The following PRKN variants were observed in gnomAD, a reference collection of about 807,000 sequenced individuals.
The protein encoded by PRKN is parkin RBR E3 ubiquitin protein ligase.
A neutral mutation model predicts 59.5 loss-of-function variants in PRKN; 56 were observed. The observed-to-expected ratio is 0.94, with a 90% CI of 0.76 to 1.18. PRKN has a LOEUF of 1.18. Among genes scored for constraint, PRKN ranks in the 50% most tolerant of loss-of-function variants. The pLI is 0.00. For missense variants in PRKN, 657 were observed against 596.4 expected, an observed-to-expected ratio of 1.10 and a Z score of -1.06; for synonymous variants, 250 against 222.1, an observed-to-expected ratio of 1.13 and a Z score of -1.12.
At chr6:161,830,023 G>T (rs1027019269) in intron 6 of PRKN, among the ~76,000 whole-genome samples, 10 of 152,194 alleles carry the variant, frequency 6.6e-5, no homozygotes, top group African/African-American at 1.2e-4. Flanking sequence ...TGGCCCCTTT[G>T]TCCCTACTAC....
At chr6:162,439,166 G>A (rs1020613933) in intron 2 of PRKN, among the ~76,000 whole-genome samples, 7 of 152,088 alleles carry the variant, frequency 4.6e-5, no homozygotes, top group Non-Finnish European at 1.0e-4. Flanking sequence ...GGATAGGGCC[G>A]CAGTTTTTCT....
intron 6 of PRKN, among the ~76,000 whole-genome samples, chr6:161,952,934 G>C (rs1780042275): frequency 6.6e-6 from 1 of 152,174 alleles, no homozygotes; most frequent in Non-Finnish European, 1.5e-5. Flanking sequence ...ATGACGACGT[G>C]AGTCAATCAA....
Position 162,575,832 on chromosome 6 carries a change from C to A in PRKN, c.8-132359G>T, listed in dbSNP as rs566658255. Among the ~76,000 whole-genome samples, 3 of 152,290 alleles carry A rather than the reference C, an allele frequency of 2.0e-5. No individual in the cohort carries two copies. The South Asian group carries it at 6.2e-4, about 32-fold the overall frequency. On this transcript the variant is annotated intron_variant, in intron 1 of 11. Coordinates refer to ENST00000366898, the MANE Select transcript of PRKN (RefSeq NM_004562.3). Reference sequence around the variant, plus strand: ...TTGTGCCCTCTAGACCCATGACACCCTATATTCCAGAACAAGAGAACAATC... The same window carrying A: ...TTGTGCCCTCTAGACCCATGACACCATATATTCCAGAACAAGAGAACAATC...
chr6:162,038,305 G>A (rs1407621239), intron 5 of PRKN, among the ~76,000 whole-genome samples: 1 of 152,126 alleles, frequency 6.6e-6, no homozygotes, highest in African/African-American at 2.4e-5. Context: ...ATTGATTGTA[G>A]TCTTTGTGGA....
At chr6:162,094,247 T>C (rs1404633892) in intron 4 of PRKN, among the ~76,000 whole-genome samples, 3 of 151,980 alleles carry the variant, frequency 2.0e-5, no homozygotes, top group Non-Finnish European at 4.4e-5. Context: ...TCCAACACGT[T>C]GGGAGCCTGA....
intron 1 of PRKN, among the ~76,000 whole-genome samples, chr6:162,571,858 A>T (rs1780342058): frequency 6.6e-6 from 1 of 152,212 alleles, no homozygotes; most frequent in Admixed American, 6.5e-5. Flanking sequence ...TGCACTATCA[A>T]TAAAATATTA....
rs963779097 is a variant in PRKN, at chr6:161,566,654, G to A, written c.933+2701C>T. On this transcript the variant is annotated intron_variant, in intron 8 of 11. Transcript: ENST00000366898. This position sits in a 1 kb window ranked among gnomAD's most constrained non-coding sequence, Gnocchi z 4.1. Reference sequence around the variant, plus strand: ...ACTCCTGACCTCAGGTGATCCATTCGCCTTAGCCTCCCAAAGATGTGGGAT... The same window carrying A: ...ACTCCTGACCTCAGGTGATCCATTCACCTTAGCCTCCCAAAGATGTGGGAT... Among the ~76,000 whole-genome samples, 5 of 152,066 alleles carry A rather than the reference G, an allele frequency of 3.3e-5. No homozygotes were observed. The highest frequency in any genetic ancestry group is 9.7e-5 in the African/African-American group (4 of 41,414).
chr6:161,973,323 C>CAAGT lies in PRKN; in HGVS notation c.709_712dup (p.Cys238TyrfsTer38). The CAAGT allele has an allele frequency of 6.2e-7, 1 of 1,612,300 alleles. No individual in the cohort carries two copies. The highest frequency in any genetic ancestry group is 8.5e-7 in the Non-Finnish European group (1 of 1,178,370). On this transcript the variant is annotated frameshift_variant, in exon 6 of 12. Transcript: ENST00000366898. LOFTEE classifies it high-confidence loss of function. ...TTACCTGACGTCTGTGCACGTAATG[C>CAAGT]AAGTGATGTTCCGACTATTTGTTGC...
chr6:161,832,190 TA>T (rs1181162733), intron 6 of PRKN, among the ~76,000 whole-genome samples: 1 of 152,228 alleles, frequency 6.6e-6, no homozygotes. Context: ...AAATGTATAT[TA>T]GGGATGCCTG....
intron 1 of PRKN, among the ~76,000 whole-genome samples, chr6:162,494,311 C>G (rs942485181): frequency 6.6e-6 from 1 of 152,180 alleles, no homozygotes; most frequent in Non-Finnish European, 1.5e-5. Flanking sequence ...TCCTCAACAT[C>G]TCTGACCCAG....
chr6:162,321,000 G>T (rs1562668426), intron 2 of PRKN, among the ~76,000 whole-genome samples: 2 of 151,798 alleles, frequency 1.3e-5, no homozygotes, highest in Non-Finnish European at 1.5e-5. Flanking sequence ...AGCAAAGCAA[G>T]AAGAAAAAAG....
At chr6:161,829,246 A>G (rs1172204622) in intron 6 of PRKN, among the ~76,000 whole-genome samples, 2 of 152,136 alleles carry the variant, frequency 1.3e-5, no homozygotes, top group East Asian at 1.9e-4. Context: ...AAACGAAAAC[A>G]AAAACAAAAA....
At chr6:161,698,550 C>T (rs1002926691) in intron 7 of PRKN, among the ~76,000 whole-genome samples, 1 of 152,046 alleles carries the variant, frequency 6.6e-6, no homozygotes, top group Non-Finnish European at 1.5e-5. Flanking sequence ...ACAACTAACA[C>T]TATCTGCTTT....
In PRKN at chr6:161,496,507, C is replaced by T. The variant is rs113714772; in HGVS notation, c.1083+52347G>A. Among the ~76,000 whole-genome samples, 320 of 152,312 alleles carry T rather than the reference C, an allele frequency of 2.1e-3. 1 individual carries two copies. Among genetic ancestry groups the T allele is most frequent in the South Asian group, 5.8e-3 (28 of 4,828 alleles). On this transcript the variant is annotated intron_variant, in intron 9 of 11. Coordinates refer to ENST00000366898, the MANE Select transcript of PRKN (RefSeq NM_004562.3). ...GGAAGGCCAATGAGGAGCAAAGGCA[C>T]GTCTTACGTGGTGGCAGGCAAGAGA...
At chr6:162,577,017 A>G (rs13213408) in intron 1 of PRKN, among the ~76,000 whole-genome samples, 3 of 152,028 alleles carry the variant, frequency 2.0e-5, no homozygotes, top group African/African-American at 7.2e-5. Flanking sequence ...AACATAAAAA[A>G]TGATGACAGA....
rs1395924512 is a variant in PRKN, at chr6:161,414,778, G to T, written c.1084-27901C>A. Among the ~76,000 whole-genome samples, 4 of 152,180 alleles carry T rather than the reference G, an allele frequency of 2.6e-5. No homozygotes were observed. The highest frequency in any genetic ancestry group is 9.7e-5 in the African/African-American group (4 of 41,428). On this transcript the variant is annotated intron_variant, in intron 9 of 11. Coordinates refer to ENST00000366898, the MANE Select transcript of PRKN (RefSeq NM_004562.3). The surrounding 1 kb of genome is among the most constrained non-coding windows in gnomAD (Gnocchi z 5.3). ...CTCCACCAGAGGAGGGTCTCCGCAGGCAGGGCAGCCGCTGAACAGCACCGG... is the reference window on the plus strand; with the variant it reads ...CTCCACCAGAGGAGGGTCTCCGCAGTCAGGGCAGCCGCTGAACAGCACCGG...
At chr6:161,472,092 T>C (rs1440232049) in intron 9 of PRKN, among the ~76,000 whole-genome samples, 2 of 152,180 alleles carry the variant, frequency 1.3e-5, no homozygotes, top group Non-Finnish European at 1.5e-5. Flanking sequence ...GGGTGTTTTG[T>C]AGAGTTGGTA....
At chr6:162,540,763 C>T (rs554115191) in intron 1 of PRKN, among the ~76,000 whole-genome samples, 6 of 150,180 alleles carry the variant, frequency 4.0e-5, no homozygotes, top group African/African-American at 7.4e-5. Flanking sequence ...GCCGAGATTG[C>T]GCCATTGCAC....
At chr6:161,618,967 G>A (rs559226787) in intron 7 of PRKN, among the ~76,000 whole-genome samples, 4 of 152,260 alleles carry the variant, frequency 2.6e-5, no homozygotes, top group African/African-American at 7.2e-5. Context: ...TGGTTCTGGT[G>A]AAGCAGAAGT....
Sources: allele counts gnomAD v4.1 joint callset (sites outside exome capture counted in the v4.1 genomes callset), GRCh38; gene constraint gnomAD v4.1.1; non-coding constraint Gnocchi (gnomAD v3.1); transcripts MANE v1.5; gene names NCBI Gene and HGNC (gene_info 2026-07-23, HGNC 2026-07-21).